Variants in POLR3G observed in about 807,000 individuals in gnomAD.
POLR3G encodes DNA-directed RNA polymerase III subunit RPC7.
A neutral mutation model predicts 30.1 loss-of-function variants in POLR3G; 28 were observed. The ratio of observed to expected loss-of-function variants is 0.93; its 90% confidence interval spans 0.69 to 1.27. The LOEUF (loss-of-function observed/expected upper bound fraction) is 1.27. Ranked by LOEUF, POLR3G falls within the 50% of genes most tolerant of loss-of-function variation. The pLI is 0.00. For synonymous variants in POLR3G, 79 were observed against 82.5 expected (o/e 0.96, Z 0.23); for missense variants, 254 against 264.6 (o/e 0.96, Z 0.28).
At chr5:90,482,524 A>T (rs2151900360) in intron 1 of POLR3G, among the ~76,000 whole-genome samples, 1 of 152,354 alleles carries the variant, frequency 6.6e-6, no homozygotes, top group Admixed American at 6.5e-5. Flanking sequence ...TTGCCTGGGG[A>T]CTAGACTGCC....
At chr5:90,511,104 C>T (rs559894602) in intron 7 of POLR3G, among the ~76,000 whole-genome samples, 129 of 152,216 alleles carry the variant, frequency 8.5e-4, no homozygotes, top group African/African-American at 3.1e-3. Context: ...CATTCATCTA[C>T]CCAATCCCTC....
chr5:90,477,523 C>T (rs1750895065), intron 1 of POLR3G, among the ~76,000 whole-genome samples: 2 of 152,102 alleles, frequency 1.3e-5, no homozygotes, highest in Non-Finnish European at 1.5e-5. Context: ...AGCTGGTAAA[C>T]CTCTACTATT....
At chr5:90,490,226 G>A (rs6877613) in intron 3 of POLR3G, among the ~76,000 whole-genome samples, 1 of 150,902 alleles carries the variant, frequency 6.6e-6, no homozygotes, top group Non-Finnish European at 1.5e-5. Flanking sequence ...GGATTAAGGG[G>A]CACTTTATCT....
intron 5 of POLR3G, 86 bp downstream of exon 5, chr5:90,497,792 T>G: frequency 6.9e-7 from 1 of 1,454,370 alleles, no homozygotes; most frequent in East Asian, 2.5e-5. Context: ...CCCAAAGTTA[T>G]ACTCACTGTT....
In POLR3G at chr5:90,506,654, G is replaced by A; in HGVS notation, c.565G>A (p.Asp189Asn). The change falls in exon 7 of 8, where the codon GAT becomes AAT. Residue 189 changes from aspartate to asparagine, a missense_variant. By Grantham distance (23) the Asp-to-Asn change is conservative. Transcript: ENST00000651687. ...DDDAAEQEEY[D>N]EEEQEEENDY... ...TGATGCCGCAGAACAGGAGGAATAT[G>A]ATGAAGAAGAGCAAGAAGAGGTAAT... 2.5e-6 allele frequency: 4 copies of A among 1,609,158 alleles called. No homozygotes were observed. Among genetic ancestry groups the A allele is most frequent in the Non-Finnish European group, 3.4e-6 (4 of 1,178,084 alleles).
chr5:90,512,090 A>C lies in POLR3G; in HGVS notation c.623A>C (p.Asp208Ala). Residue 208 changes from aspartate (D) to alanine (A), a missense_variant, in exon 8 of 8, where the codon GAT becomes GCT. Physicochemically the swap from Asp to Ala is moderately radical, Grantham distance 126. Coordinates refer to ENST00000651687, the MANE Select transcript of POLR3G (RefSeq NM_006467.3). ...DYINSYFEDG[D>A]DFGADSDDNM... is the part of the protein sequence containing the mutation. The stretch of plus-strand genomic sequence containing the variant: ...ATTAATTCATACTTTGAAGATGGAG[A>C]TGATTTTGGCGCAGACAGTGATGAC... 1 of 1,609,542 alleles carries C rather than the reference A, an allele frequency of 6.2e-7. No homozygotes were observed. The highest frequency in any genetic ancestry group is 8.5e-7 in the Non-Finnish European group (1 of 1,176,114).
intron 3 of POLR3G, 144 bp from the exon 4 acceptor site, chr5:90,495,533 A>G (rs573574364): frequency 1.6e-5 from 22 of 1,374,820 alleles, no homozygotes; most frequent in East Asian, 1.2e-4. Context: ...CCTTTTTCCC[A>G]TTCTCTTATG....
chr5:90,492,878 G>A (rs997933391), intron 3 of POLR3G, among the ~76,000 whole-genome samples: 9 of 141,466 alleles, frequency 6.4e-5, no homozygotes, highest in African/African-American at 2.3e-4. Context: ...AAAAAAAAAA[G>A]TATGAGACAT....
At chr5:90,510,067 A>G (rs539591052) in intron 7 of POLR3G, among the ~76,000 whole-genome samples, 20 of 152,114 alleles carry the variant, frequency 1.3e-4, no homozygotes, top group African/African-American at 4.8e-4. Flanking sequence ...CCATGGGGGT[A>G]GTAGGGTGGT....
At chr5:90,507,670 G>C (rs978010946) in intron 7 of POLR3G, among the ~76,000 whole-genome samples, 5 of 151,916 alleles carry the variant, frequency 3.3e-5, no homozygotes, top group Admixed American at 3.3e-4. Flanking sequence ...AATGTTGGTA[G>C]GGTATGTCTT....
Position 90,497,722 on chromosome 5 carries a change from TA to T in POLR3G, c.355+18del. The T allele has an allele frequency of 6.3e-7, 1 of 1,594,072 alleles. No individual in the cohort carries two copies. Among genetic ancestry groups the T allele is most frequent in the Non-Finnish European group, 8.5e-7 (1 of 1,172,010 alleles). ...TGTAAAAAAGGTACATTGACTAATA[TA>T]ATAGTAATTCAGGTAGGAAAAGGTT... On this transcript the variant is annotated intron_variant, in intron 5 of 7. Transcript: ENST00000651687.
intron 2 of POLR3G, 145 bp downstream of exon 2, chr5:90,485,829 A>G (rs1328468930): frequency 3.5e-6 from 2 of 563,564 alleles, no homozygotes; most frequent in African/African-American, 3.8e-5. Flanking sequence ...ACCTTTAAAT[A>G]TTTTCATGAT....
intron 4 of POLR3G, among the ~76,000 whole-genome samples, chr5:90,497,404 T>C (rs868078123): frequency 2.0e-4 from 30 of 152,184 alleles, no homozygotes; most frequent in African/African-American, 7.0e-4. Flanking sequence ...TACCATAAGG[T>C]TTCCTTCACC....
At chr5:90,500,479 G>A (rs1313859971) in intron 5 of POLR3G, among the ~76,000 whole-genome samples, 5 of 152,094 alleles carry the variant, frequency 3.3e-5, no homozygotes, top group Non-Finnish European at 7.4e-5. Flanking sequence ...CATGATGTAA[G>A]TAGAATACAT....
chr5:90,495,826 A>C (rs1342335818), intron 4 of POLR3G, 93 bp downstream of exon 4: 2 of 1,432,062 alleles, frequency 1.4e-6, no homozygotes, highest in South Asian at 1.5e-5. Context: ...TATTTTTACC[A>C]TAGGAAAACT....
intron 2 of POLR3G, among the ~76,000 whole-genome samples, chr5:90,487,694 T>C (rs1395813488): frequency 6.6e-6 from 1 of 152,110 alleles, no homozygotes; most frequent in Non-Finnish European, 1.5e-5. Context: ...CACGGCCTGG[T>C]ACTTTAATTT....
At chr5:90,478,586 T>TTTTTTTTTTTTTTTA (rs70999487) in intron 1 of POLR3G, among the ~76,000 whole-genome samples, 4 of 147,012 alleles carry the variant, frequency 2.7e-5, no homozygotes, top group Admixed American at 6.8e-5. Flanking sequence ...TTTTTTTTTT[T>TTTTTTTTTTTTTTTA]GAGAGGGAGC....
chr5:90,477,024 G>T (rs1465692227), intron 1 of POLR3G, among the ~76,000 whole-genome samples: 2 of 152,166 alleles, frequency 1.3e-5, no homozygotes, highest in Admixed American at 1.3e-4. Flanking sequence ...CTGACGATGA[G>T]GGTGCTTAAT....
intron 2 of POLR3G, among the ~76,000 whole-genome samples, chr5:90,487,223 T>C (rs1203599683): frequency 2.0e-5 from 3 of 152,098 alleles, no homozygotes; most frequent in Non-Finnish European, 4.4e-5. Flanking sequence ...TTGAGTATAT[T>C]GTAGTCATAG....
Sources: allele counts gnomAD v4.1 joint callset (sites outside exome capture counted in the v4.1 genomes callset), GRCh38; gene constraint gnomAD v4.1.1; transcripts MANE v1.5; gene names NCBI Gene and HGNC (gene_info 2026-07-23, HGNC 2026-07-21).